Variants in MAPK6 observed in about 807,000 individuals in gnomAD.
The protein encoded by MAPK6 is ERK-3.
Under a neutral mutation model 59.3 loss-of-function variants are expected in MAPK6, and 19 were observed. The observed-to-expected ratio is 0.32, with a 90% confidence interval of 0.22 to 0.47. The LOEUF is 0.47. MAPK6 is among the 20% of genes least tolerant of loss of function. The pLI is 1.00. For missense variants in MAPK6, 724 were observed against 847.9 expected, an observed-to-expected ratio of 0.85 and a Z score of 1.81; for synonymous variants, 316 against 290.3, an observed-to-expected ratio of 1.09 and a Z score of -0.90.
chr15:52,021,287 G>A (rs1393523804), intron 1 of MAPK6, among the ~76,000 whole-genome samples: 2 of 151,634 alleles, frequency 1.3e-5, no homozygotes, highest in Admixed American at 6.6e-5. Context: ...GGGTCGGGTA[G>A]GAGGAAGCTT....
intron 1 of MAPK6, among the ~76,000 whole-genome samples, chr15:52,041,588 C>A (rs906893588): frequency 2.6e-5 from 4 of 152,186 alleles, no homozygotes; most frequent in African/African-American, 9.7e-5. Flanking sequence ...CAGTGACCAT[C>A]TGCTGGTCCA....
chr15:52,009,987 G>C (rs922828230), intron 3 of MAPK6, among the ~76,000 whole-genome samples: 2 of 152,040 alleles, frequency 1.3e-5, no homozygotes, highest in African/African-American at 2.4e-5. Flanking sequence ...TGGCCAGGCT[G>C]GTCTCAAACT....
At chr15:51,979,332 C>T (rs2057166409) in intron 1 of MAPK6, among the ~76,000 whole-genome samples, 1 of 151,738 alleles carries the variant, frequency 6.6e-6, no homozygotes, top group African/African-American at 2.4e-5. Flanking sequence ...AGAAGACTTG[C>T]TCAGACATAA....
At chr15:52,028,073 T>C (rs2030880047) in intron 1 of MAPK6, among the ~76,000 whole-genome samples, 1 of 150,222 alleles carries the variant, frequency 6.7e-6, no homozygotes, top group African/African-American at 2.5e-5. Flanking sequence ...CTGCCTCAGC[T>C]TTCCGAGTAG....
In MAPK6 at chr15:52,050,420, TTC is replaced by T. The variant is rs2031740310; in HGVS notation, c.700+285_700+286del. 4.6e-5 allele frequency among the ~76,000 whole-genome samples: 7 copies of T among 152,348 alleles called. No homozygotes were observed. The South Asian group carries it at 1.5e-3, about 32-fold the overall frequency. ...TTGTGTTGATACTTAAGTTGCATAA[TTC>T]TGTCAGTATCATCACTTCCTGGTGA... On this transcript the variant is annotated intron_variant, in intron 3 of 5. Transcript: ENST00000261845.
chr15:52,010,748 A>G (rs1223844430), intron 3 of MAPK6, among the ~76,000 whole-genome samples: 1 of 151,968 alleles, frequency 6.6e-6, no homozygotes, highest in Non-Finnish European at 1.5e-5. Context: ...CAAACTCCTG[A>G]CCTCAAGTGA....
At chr15:52,034,759 G>A (rs2031181183) in intron 1 of MAPK6, among the ~76,000 whole-genome samples, 1 of 151,838 alleles carries the variant, frequency 6.6e-6, no homozygotes, top group South Asian at 2.1e-4. Flanking sequence ...GTGCAGTGGT[G>A]TGATCTCAGC....
chr15:52,031,291 G>A (rs2031023678), intron 1 of MAPK6, among the ~76,000 whole-genome samples: 2 of 152,174 alleles, frequency 1.3e-5, no homozygotes, highest in East Asian at 3.8e-4. Flanking sequence ...GGAGTGAAGG[G>A]AGATATGTAC....
At chr15:52,044,033 CAA>C (rs1281376383) in intron 1 of MAPK6, among the ~76,000 whole-genome samples, 2 of 152,060 alleles carry the variant, frequency 1.3e-5, no homozygotes, top group Non-Finnish European at 2.9e-5. Flanking sequence ...CTCGGCTTCC[CAA>C]AGTGTTGGGA....
At chr15:52,005,993 A>G (rs1490170018) in intron 3 of MAPK6, among the ~76,000 whole-genome samples, 3 of 152,230 alleles carry the variant, frequency 2.0e-5, no homozygotes, top group Non-Finnish European at 4.4e-5. Flanking sequence ...CTAAATTGAA[A>G]AGATAAGCTT....
At chr15:52,047,219 A>G (rs370199448) in intron 2 of MAPK6, among the ~76,000 whole-genome samples, 1 of 152,312 alleles carries the variant, frequency 6.6e-6, no homozygotes, top group East Asian at 1.9e-4. Flanking sequence ...ATACATGGTT[A>G]TTATAATGAA....
At chr15:52,022,169 T>C (rs955086370) in intron 1 of MAPK6, among the ~76,000 whole-genome samples, 18 of 152,028 alleles carry the variant, frequency 1.2e-4, no homozygotes, top group Admixed American at 3.9e-4. Context: ...ATTTTTAAAA[T>C]AAAAGAAAAA....
At chr15:52,011,936 G>T (rs1480849874) in intron 3 of MAPK6, among the ~76,000 whole-genome samples, 1 of 152,232 alleles carries the variant, frequency 6.6e-6, no homozygotes, top group Non-Finnish European at 1.5e-5. Context: ...TCAGCTGGCT[G>T]TAGGCCCCTC....
chr15:52,058,251 G>A (rs1248230138), intron 3 of MAPK6, among the ~76,000 whole-genome samples: 1 of 152,132 alleles, frequency 6.6e-6, no homozygotes, highest in Non-Finnish European at 1.5e-5. Flanking sequence ...TTTCATTGAT[G>A]TTGAAATAAA....
intron 2 of MAPK6, among the ~76,000 whole-genome samples, chr15:51,984,742 TC>T (rs2057185579): frequency 6.6e-6 from 1 of 152,022 alleles, no homozygotes; most frequent in Non-Finnish European, 1.5e-5. Context: ...GTGCAAATAT[TC>T]CTGCCATGGC....
chr15:52,039,145 G>A (rs1042580476), intron 1 of MAPK6, among the ~76,000 whole-genome samples: 1 of 152,116 alleles, frequency 6.6e-6, no homozygotes, highest in African/African-American at 2.4e-5. Context: ...CTGAGTAGCT[G>A]ATTACAGCAG....
At chr15:51,992,595 C>G (rs376012524) in intron 2 of MAPK6, among the ~76,000 whole-genome samples, 1 of 152,046 alleles carries the variant, frequency 6.6e-6, no homozygotes, top group Non-Finnish European at 1.5e-5. Flanking sequence ...TGAGCCACCA[C>G]GCACAGCCAA....
intron 3 of MAPK6, among the ~76,000 whole-genome samples, chr15:52,010,240 C>T (rs1336686759): frequency 6.6e-6 from 1 of 151,904 alleles, no homozygotes; most frequent in Non-Finnish European, 1.5e-5. Flanking sequence ...TTTTTTGAGA[C>T]AGAGTTTTGT....
intron 3 of MAPK6, among the ~76,000 whole-genome samples, chr15:52,010,483 G>A (rs1467662760): frequency 6.7e-6 from 1 of 149,762 alleles, no homozygotes; most frequent in African/African-American, 2.5e-5. Flanking sequence ...CCAAAGTGCT[G>A]GGATTACAGG....
Sources: allele counts gnomAD v4.1 joint callset (sites outside exome capture counted in the v4.1 genomes callset), GRCh38; gene constraint gnomAD v4.1.1; transcripts MANE v1.5; gene names NCBI Gene and HGNC (gene_info 2026-07-23, HGNC 2026-07-21).